The following PKHD1L1 variants were observed in gnomAD, a reference collection of about 807,000 sequenced individuals.
The protein encoded by PKHD1L1 is fibrocystin-L.
PKHD1L1 carries 434 observed loss-of-function variants against 462.9 expected under a neutral mutation model. That is an observed-to-expected ratio of 0.94 (90% CI 0.87 to 1.02). The LOEUF is 1.02. Among genes scored for constraint, PKHD1L1 ranks in the 50% least tolerant of loss-of-function variants. PKHD1L1 has a pLI of 0.00. For synonymous variants in PKHD1L1, 1,781 were observed against 1,750.0 expected, an observed-to-expected ratio of 1.02 and a Z score of -0.44; for missense variants, 5,202 against 5,096.1, an observed-to-expected ratio of 1.02 and a Z score of -0.63.
intron 63 of PKHD1L1, 52 bp from the exon 64 acceptor site, chr8:109,496,867 T>C: frequency 1.5e-5 from 23 of 1,526,598 alleles, no homozygotes; most frequent in Non-Finnish European, 2.0e-5. Flanking sequence ...TTATTAAAAC[T>C]ATATGACATG....
chr8:109,365,319 G>A (rs957643782), intron 2 of PKHD1L1, among the ~76,000 whole-genome samples: 1 of 152,048 alleles, frequency 6.6e-6, no homozygotes, highest in African/African-American at 2.4e-5. Flanking sequence ...AAAAATATTA[G>A]CAAAATCTAT....
chr8:109,456,241 C>T (rs751029785), intron 45 of PKHD1L1, 21 bp from the exon 46 acceptor site: 2 of 1,593,660 alleles, frequency 1.3e-6, no homozygotes, highest in Admixed American at 3.6e-5. Context: ...AGGAAATACT[C>T]AGTGTGTATG....
intron 5 of PKHD1L1, among the ~76,000 whole-genome samples, chr8:109,384,402 G>A (rs149733514): frequency 1.3e-5 from 2 of 151,844 alleles, no homozygotes; most frequent in African/African-American, 2.4e-5. Flanking sequence ...AATTAGCCAG[G>A]CTTGGTGGCA....
chr8:109,404,868 A>G (rs1300598896), intron 15 of PKHD1L1, 127 bp from the exon 16 acceptor site: 1 of 1,112,968 alleles, frequency 9.0e-7, no homozygotes, highest in Non-Finnish European at 1.2e-6. Context: ...ACGATAAGCC[A>G]AAAAGGCTGT....
At chr8:109,460,322 T>G (rs1276444973) in intron 47 of PKHD1L1, among the ~76,000 whole-genome samples, 1 of 152,174 alleles carries the variant, frequency 6.6e-6, no homozygotes, top group Non-Finnish European at 1.5e-5. Context: ...TTTTCCAGAA[T>G]TTGCAGTTTA....
chr8:109,512,076 T>C (rs973932926), intron 71 of PKHD1L1, among the ~76,000 whole-genome samples: 12 of 152,148 alleles, frequency 7.9e-5, no homozygotes, highest in African/African-American at 2.9e-4. Flanking sequence ...TTTGAGTTCA[T>C]TGTAGATTCT....
chr8:109,443,738 T>A lies in PKHD1L1; in HGVS notation c.4627T>A (p.Cys1543Ser). ...AGGCTGCCTAGCAACAGAACCCCTG[T>A]GCAGCCTGAACAATACCAGGGTTAA... ...VAGCLATEPL[C>S]SLNNTRVKNS... Residue 1543 changes from cysteine to serine, a missense_variant, in exon 37 of 78, where the codon TGC becomes AGC. Physicochemically the swap from Cys to Ser is moderately radical, Grantham distance 112 (BLOSUM62 -1). This residue lies in a region of PKHD1L1 where 4,497 missense variants were observed against 4,336.8 expected (regional missense o/e 1.04). Coordinates refer to ENST00000378402, the MANE Select transcript of PKHD1L1 (RefSeq NM_177531.6). 1 of 1,613,806 alleles carries A rather than the reference T, an allele frequency of 6.2e-7. No homozygotes were observed. The highest frequency in any genetic ancestry group is 1.1e-5 in the South Asian group (1 of 91,064).
At chr8:109,362,695 C>T (rs775233725) in intron 1 of PKHD1L1, 42 bp downstream of exon 1, 2 of 1,548,978 alleles carry the variant, frequency 1.3e-6, no homozygotes, top group East Asian at 4.8e-5. Flanking sequence ...AGGAGAGGCC[C>T]GCGTAGACAC....
In PKHD1L1 at chr8:109,409,965, C is replaced by G; in HGVS notation, c.2072C>G (p.Thr691Ser). The G allele has an allele frequency of 6.4e-7, 1 of 1,562,082 alleles. No homozygotes were observed. Among genetic ancestry groups the G allele is most frequent in the African/African-American group, 1.4e-5 (1 of 72,930 alleles). Reference sequence around the variant, plus strand: ...GTGAAATATTTCAGAGACTATGAAACTGATTTTAATCTGGTATGAAATATT... The same window carrying G: ...GTGAAATATTTCAGAGACTATGAAAGTGATTTTAATCTGGTATGAAATATT... ...FVVKYFRDYE[T>S]DFNLEHINRG... is the part of the protein sequence containing the mutation. The change falls in exon 19 of 78, where the codon ACT (threonine) becomes AGT (serine). Residue 691 changes from threonine (T) to serine (S), a missense_variant. Thr to Ser is a moderately conservative substitution (Grantham distance 58, BLOSUM62 1). Coordinates refer to ENST00000378402, the MANE Select transcript of PKHD1L1 (RefSeq NM_177531.6).
At chr8:109,456,141 G>A in intron 45 of PKHD1L1, 121 bp from the exon 46 acceptor site, 2 of 1,006,898 alleles carry the variant, frequency 2.0e-6, no homozygotes, top group Non-Finnish European at 2.8e-6. Context: ...TGTGTGAAAT[G>A]CTAAGGTAAA....
intron 49 of PKHD1L1, among the ~76,000 whole-genome samples, chr8:109,465,992 A>C (rs532591792): frequency 6.6e-6 from 1 of 152,318 alleles, no homozygotes; most frequent in African/African-American, 2.4e-5. Flanking sequence ...TTGTGAGTCA[A>C]TCGACAGGTA....
chr8:109,521,160 G>A (rs1820533161), intron 73 of PKHD1L1, among the ~76,000 whole-genome samples: 1 of 152,118 alleles, frequency 6.6e-6, no homozygotes, highest in African/African-American at 2.4e-5. Flanking sequence ...TTAGGACTGT[G>A]GGGTTCATAG....
At chr8:109,401,412 A>C (rs1482882832) in intron 13 of PKHD1L1, 85 bp from the exon 14 acceptor site, 1 of 744,230 alleles carries the variant, frequency 1.3e-6, no homozygotes. Context: ...TCTAAAACTG[A>C]AATAATAAAT....
At chr8:109,414,925 G>A (rs1284222778) in intron 21 of PKHD1L1, among the ~76,000 whole-genome samples, 1 of 151,172 alleles carries the variant, frequency 6.6e-6, no homozygotes, top group Non-Finnish European at 1.5e-5. Flanking sequence ...GCTCAAATCT[G>A]CAATTTCAAT....
At chr8:109,435,399 C>A in intron 29 of PKHD1L1, 45 bp downstream of exon 29, 1 of 1,579,406 alleles carries the variant, frequency 6.3e-7, no homozygotes, top group Non-Finnish European at 8.6e-7. Context: ...CATGCATTTC[C>A]ATCAGTTCAA....
chr8:109,530,077 C>G lies in PKHD1L1; in HGVS notation c.12722-3C>G. The stretch of plus-strand genomic sequence containing the variant: ...ATTGTTTTGTATTGTTTCCATTTTT[C>G]AGGAAGCTACTAAAGTGCTGTTCCG... On this transcript the variant is annotated splice_polypyrimidine_tract_variant and splice_region_variant and intron_variant, in intron 77 of 77. Coordinates refer to ENST00000378402, the MANE Select transcript of PKHD1L1 (RefSeq NM_177531.6). The G allele has an allele frequency of 3.0e-6, 4 of 1,353,366 alleles. No homozygotes were observed. The highest frequency in any genetic ancestry group is 2.9e-6 in the Non-Finnish European group (3 of 1,029,500). 83.8% of individuals were successfully genotyped at this position (1,353,366 alleles called of 1,614,324 possible).
chr8:109,502,236 C>G (rs376825668), intron 67 of PKHD1L1, among the ~76,000 whole-genome samples: 1 of 152,156 alleles, frequency 6.6e-6, no homozygotes, highest in South Asian at 2.1e-4. Flanking sequence ...GGCATTTCTA[C>G]TTAATGTGGG....
intron 60 of PKHD1L1, 138 bp from the exon 61 acceptor site, chr8:109,490,834 G>A: frequency 2.9e-6 from 2 of 698,772 alleles, no homozygotes; most frequent in Admixed American, 3.5e-5. Flanking sequence ...GACTTATGGA[G>A]AAATCATCTT....
At position 109,435,356 on chromosome 8, in the gene PKHD1L1, T is replaced by C. The variant is rs749118848; in HGVS notation, c.3505+2T>C. Reference sequence around the variant, plus strand: ...GGCCTGATTCTGGAAGCATAGCAGGTAATGGTTAATAGTTTAAACAGAGAG... The same window carrying C: ...GGCCTGATTCTGGAAGCATAGCAGGCAATGGTTAATAGTTTAAACAGAGAG... On this transcript the variant is annotated splice_donor_variant, in intron 29 of 77. Coordinates refer to ENST00000378402, the MANE Select transcript of PKHD1L1 (RefSeq NM_177531.6). LOFTEE classifies it high-confidence loss of function. 4 of 1,611,180 alleles carry C rather than the reference T, an allele frequency of 2.5e-6. No homozygotes were observed. The highest frequency in any genetic ancestry group is 3.4e-6 in the Non-Finnish European group (4 of 1,178,112).
Sources: allele counts gnomAD v4.1 joint callset (sites outside exome capture counted in the v4.1 genomes callset), GRCh38; gene constraint gnomAD v4.1.1; regional missense constraint gnomAD v4.1.1; transcripts MANE v1.5; gene names NCBI Gene and HGNC (gene_info 2026-07-23, HGNC 2026-07-21).